The following ZNF177 variants were observed in gnomAD, a reference collection of about 807,000 sequenced individuals.
ZNF177 encodes zinc finger protein 177.
A neutral mutation model predicts 19.4 loss-of-function variants in ZNF177; 17 were observed. The ratio of observed to expected loss-of-function variants is 0.87; its 90% CI spans 0.60 to 1.31. The LOEUF (loss-of-function observed/expected upper bound fraction) is 1.31, where lower values mean the gene tolerates loss of function less well. Ranked by LOEUF, ZNF177 falls within the 40% of genes most tolerant of loss-of-function variation. The pLI is 0.00. For missense variants in ZNF177, 633 were observed against 561.8 expected, an observed-to-expected ratio of 1.13 and a Z score of -1.28; for synonymous variants, 220 against 188.7, an observed-to-expected ratio of 1.17 and a Z score of -1.36.
At chr19:9,379,641 G>C in intron 4 of ZNF177, 22 bp downstream of exon 6, 1 of 1,611,490 alleles carries the variant, frequency 6.2e-7, no homozygotes, top group Non-Finnish European at 8.5e-7. Context: ...GCAGAACAGG[G>C]TGCAGCCTTG....
intron 1 of ZNF177, among the ~76,000 whole-genome samples, chr19:9,376,757 T>TTTAAAAGA (rs1270026048): frequency 3.3e-5 from 5 of 152,192 alleles, no homozygotes; most frequent in African/African-American, 1.2e-4. Context: ...TTATTATAAC[T>TTTAAAAGA]TTTTAATATT....
exon 6 of ZNF177, chr19:9,381,831 CAT>C: frequency 1.3e-6 from 2 of 1,537,392 alleles, no homozygotes. Context: ...CACTTTAGAA[CAT>C]ATATTGGAGA....
At chr19:9,381,822 ACTT>A in exon 6 of ZNF177, 1 of 1,542,968 alleles carries the variant, frequency 6.5e-7, no homozygotes, top group South Asian at 1.3e-5. Flanking sequence ...CTCCTTTCTC[ACTT>A]TAGAACATAT....
chr19:9,375,092 AATG>A (rs58860040), upstream of ZNF177, among the ~76,000 whole-genome samples: 83,036 of 151,660 alleles, frequency 0.55, 22,891 homozygotes, highest in Middle Eastern at 0.62. Context: ...CATCTATTCT[AATG>A]ATGATATAGT....
intron 1 of ZNF177, 95 bp from the exon 4 acceptor site, chr19:9,378,164 A>G: frequency 8.8e-7 from 1 of 1,142,058 alleles, no homozygotes; most frequent in Non-Finnish European, 1.2e-6. Flanking sequence ...CTCTATGTGT[A>G]TGTTGTTACC....
chr19:9,379,025 C>G lies in ZNF177; in HGVS notation c.97C>G (p.Pro33Ala), dbSNP rs770492616. ...CCAGGAGGAGTGGGCATTGCTGGACCCTGCTCAAAAAAATCTATACAAAGA... is the reference window on the plus strand; with the variant it reads ...CCAGGAGGAGTGGGCATTGCTGGACGCTGCTCAAAAAAATCTATACAAAGA... Residue 33 changes from proline (P) to alanine (A), a missense_variant, in exon 3 of 6, where the codon CCT becomes GCT. Pro to Ala is a conservative substitution (Grantham distance 27, BLOSUM62 -1). Transcript: ENST00000589262. 5.0e-6 allele frequency: 8 copies of G among 1,610,042 alleles called. No homozygotes were observed. In the East Asian group the frequency reaches 1.3e-4, roughly 27 times the overall value.
exon 6 of ZNF177, chr19:9,381,250 A>G (rs577170447): frequency 6.2e-7 from 1 of 1,614,062 alleles, no homozygotes; most frequent in Admixed American, 1.7e-5. Flanking sequence ...GAGATCTCAT[A>G]CTGGAGAGAA....
At chr19:9,380,002 T>C in intron 4 of ZNF177, 55 bp from the exon 7 acceptor site, 1 of 1,579,954 alleles carries the variant, frequency 6.3e-7, no homozygotes, top group Non-Finnish European at 8.6e-7. Context: ...CCTCCCTTTT[T>C]CTTTGATCCC....
intron 2 of ZNF177, among the ~76,000 whole-genome samples, chr19:9,370,598 T>C (rs892927495): frequency 2.0e-5 from 3 of 151,982 alleles, no homozygotes; most frequent in African/African-American, 7.3e-5. Context: ...TAGATACATA[T>C]TTTTGTAGAG....
At chr19:9,381,495 C>T in exon 6 of ZNF177, 2 of 1,611,194 alleles carry the variant, frequency 1.2e-6, no homozygotes, top group Non-Finnish European at 1.7e-6. Flanking sequence ...AACACACACG[C>T]TCTCACACTG....
At chr19:9,382,095 ACT>A (rs1350930145) in exon 6 of ZNF177, 7 of 340,576 alleles carry the variant, frequency 2.1e-5, no homozygotes, top group Non-Finnish European at 3.3e-5. Flanking sequence ...ATTGCTGGAC[ACT>A]GACTGATGTA....
In ZNF177 at chr19:9,363,727, T is replaced by G. The variant is rs976414365; in HGVS notation, c.-392+643T>G. 2.6e-5 allele frequency among the ~76,000 whole-genome samples: 4 copies of G among 152,212 alleles called. No individual in the cohort carries two copies. In the South Asian group the frequency reaches 8.3e-4, roughly 32 times the overall value. On this transcript the variant is annotated intron_variant, in intron 1 of 8. Coordinates refer to the ZNF177 transcript ENST00000343499. Reference sequence around the variant, plus strand: ...TTTTGTATGCAGCAAGCAGCAGACCTTAGTTTTCAGTTTACCTGTAGTTTC... The same window carrying G: ...TTTTGTATGCAGCAAGCAGCAGACCGTAGTTTTCAGTTTACCTGTAGTTTC...
At chr19:9,371,361 A>G (rs192879701) in intron 2 of ZNF177, among the ~76,000 whole-genome samples, 3 of 151,974 alleles carry the variant, frequency 2.0e-5, no homozygotes, top group Admixed American at 2.0e-4. Flanking sequence ...CCACTGATTT[A>G]TTGAAGAAAT....
intron 5 of ZNF177, 121 bp downstream of exon 7, chr19:9,380,260 C>A: frequency 8.1e-7 from 1 of 1,231,430 alleles, no homozygotes; most frequent in Non-Finnish European, 1.1e-6. Flanking sequence ...CACCAGAAAG[C>A]TGTCTCGGGA....
At chr19:9,381,503 C>G in exon 6 of ZNF177, 1 of 1,614,202 alleles carries the variant, frequency 6.2e-7, no homozygotes, top group East Asian at 2.2e-5. Flanking sequence ...CGCTCTCACA[C>G]TGGAGAGAAG....
chr19:9,367,230 G>C (rs908462574), intron 2 of ZNF177, among the ~76,000 whole-genome samples: 1 of 152,022 alleles, frequency 6.6e-6, no homozygotes, highest in Non-Finnish European at 1.5e-5. Context: ...TGAGGCAGGA[G>C]AATCACCTGA....
intron 2 of ZNF177, among the ~76,000 whole-genome samples, chr19:9,369,657 AT>A (rs5827055): frequency 1.3e-5 from 2 of 151,310 alleles, no homozygotes; most frequent in East Asian, 2.0e-4. Context: ...CATTTGACCT[AT>A]TTTTTTTGTT....
At chr19:9,381,307 C>T (rs1426550610) in exon 6 of ZNF177, 3 of 1,613,170 alleles carry the variant, frequency 1.9e-6, no homozygotes, top group African/African-American at 1.3e-5. Flanking sequence ...CCAGAGCTCT[C>T]ATCTGAATGT....
upstream of ZNF177, among the ~76,000 whole-genome samples, chr19:9,375,389 C>A (rs2068096911): frequency 6.6e-6 from 1 of 152,060 alleles, no homozygotes; most frequent in Non-Finnish European, 1.5e-5. Flanking sequence ...GCTCCTTTTC[C>A]ATTTTTTTGG....
Sources: gnomAD v4.1 joint callset for allele counts (sites outside exome capture counted in the v4.1 genomes callset) on GRCh38, gnomAD v4.1.1 for gene constraint, MANE v1.5 for transcripts, NCBI Gene and HGNC (gene_info 2026-07-23, HGNC 2026-07-21) for gene names.